KMT2D: variants seen among roughly 807,000 people sequenced by gnomAD.
KMT2D encodes lysine methyltransferase 2D.
Under a neutral mutation model 512.7 loss-of-function variants are expected in KMT2D, and 55 were observed. The observed-to-expected ratio is 0.11, with a 90% CI of 0.09 to 0.13. The LOEUF (loss-of-function observed/expected upper bound fraction) is 0.13, where lower values mean the gene tolerates loss of function less well. Ranked by LOEUF, KMT2D falls within the 10% of genes least tolerant of loss-of-function variation. The pLI is 1.00. For missense variants in KMT2D, 6,061 were observed against 7,127.9 expected (o/e 0.85, Z 5.39); for synonymous variants, 2,995 against 2,904.0 (o/e 1.03, Z -1.01).
In KMT2D at chr12:49,051,014, G is replaced by C. The variant is rs2120661755; in HGVS notation, c.2669C>G (p.Ser890Cys). The stretch of plus-strand genomic sequence containing the variant: ...TGGCTCTCCAAGCAAGGGAGATAAG[G>C]ATGGTTCCCCAGGGGGAGGGAACAA... ...LPLFPPPGEP[S>C]LSPLLGEPAL... The change falls in exon 11 of 55, where the codon TCC (serine) becomes TGC (cysteine). Residue 890 changes from serine to cysteine, a missense_variant. Ser to Cys is a moderately radical substitution (Grantham distance 112, BLOSUM62 -1). Around this residue, in one of 16 missense-constraint regions of KMT2D, gnomAD observed 848 missense variants for 838.5 expected, o/e 1.01. Transcript: ENST00000301067. The C allele has an allele frequency of 6.4e-7, 1 of 1,567,534 alleles. No individual in the cohort carries two copies. The highest frequency in any genetic ancestry group is 2.2e-5 in the East Asian group (1 of 44,482).
At chr12:49,052,517 A>T (rs200840481) in intron 10 of KMT2D, 47 bp downstream of exon 10, 135 of 1,599,974 alleles carry the variant, frequency 8.4e-5, no homozygotes, top group Non-Finnish European at 1.1e-4. Context: ...GTCTCTTGCC[A>T]TAGAATAAAA....
chr12:49,044,297 A>G lies in KMT2D; in HGVS notation c.5091T>C (p.Gly1697=). Residue 1697 remains glycine, a synonymous_variant, in exon 22 of 55, where the codon GGT becomes GGC. Coordinates refer to ENST00000301067, the MANE Select transcript of KMT2D (RefSeq NM_003482.4). This position sits in a 1 kb window ranked among gnomAD's most constrained non-coding sequence, Gnocchi z 6.4. ...RKRKPYRPGI[G]GFMVRQRKSH... Reference sequence around the variant, plus strand: ...ATTTCCGCTGTCGCACCATGAAACCACCAATGCCTATGAGGAGGCAGAGTT... The same window carrying G: ...ATTTCCGCTGTCGCACCATGAAACCGCCAATGCCTATGAGGAGGCAGAGTT... 1 of 1,613,726 alleles carries G rather than the reference A, an allele frequency of 6.2e-7. No homozygotes were observed. Among genetic ancestry groups the G allele is most frequent in the East Asian group, 2.2e-5 (1 of 44,872 alleles).
Position 49,032,248 on chromosome 12 carries a change from G to C in KMT2D, c.12457C>G (p.Leu4153Val), listed in dbSNP as rs201924993. ...TCTAGCATGGGCTGTTGGGGGCCCA[G>C]AAGGTTCTGGGTCATGGACCCAGGC... ...DQPGSMTQNL[L>V]GPQQPMLERP... The change falls in exon 40 of 55, where the codon CTG becomes GTG. Residue 4153 changes from leucine to valine, a missense_variant. Transcript: ENST00000301067. 1 of 1,613,912 alleles carries C rather than the reference G, an allele frequency of 6.2e-7. No individual in the cohort carries two copies. The highest frequency in any genetic ancestry group is 1.3e-5 in the African/African-American group (1 of 75,062).
In KMT2D at chr12:49,043,642, C is replaced by A. The variant is rs749007767; in HGVS notation, c.5460G>T (p.Ser1820=). Reference sequence around the variant, plus strand: ...CACTCCCACATAACTAACCTTTCTGCGATGTGGGGAGTTCCTTCCTTTCTG... The same window carrying A: ...CACTCCCACATAACTAACCTTTCTGAGATGTGGGGAGTTCCTTCCTTTCTG... The part of the protein sequence containing the change: ...GGSERKELPT[S]QKGDDGPDIA... The change falls in exon 24 of 55, where the codon TCG becomes TCT. Residue 1820 remains serine (S), a synonymous_variant. Coordinates refer to ENST00000301067, the MANE Select transcript of KMT2D (RefSeq NM_003482.4). 1.2e-6 allele frequency: 2 copies of A among 1,613,970 alleles called. No individual in the cohort carries two copies. Among genetic ancestry groups the A allele is most frequent in the South Asian group, 2.2e-5 (2 of 91,088 alleles).
rs1415714332 is a variant in KMT2D at position 49,037,594 on chromosome 12, C to A, written c.9762G>T (p.Glu3254Asp). Reference protein sequence around the residue: ...ELPLLIEDLLEHEKKELQKKQ... With the variant: ...ELPLLIEDLLDHEKKELQKKQ... ...TCTTCTGCAGCTCCTTCTTCTCATGCTCCAACAGGTCCTCAATGAGCAGGG... is the reference window on the plus strand; with the variant it reads ...TCTTCTGCAGCTCCTTCTTCTCATGATCCAACAGGTCCTCAATGAGCAGGG... The change falls in exon 35 of 55, where the codon GAG (glutamate) becomes GAT (aspartate). Residue 3254 changes from glutamate to aspartate, a missense_variant. Around this residue, in one of 16 missense-constraint regions of KMT2D, gnomAD observed 533 missense variants for 539.6 expected, o/e 0.99. Transcript: ENST00000301067. The A allele has an allele frequency of 6.4e-7, 1 of 1,556,374 alleles. No homozygotes were observed. The highest frequency in any genetic ancestry group is 8.7e-7 in the Non-Finnish European group (1 of 1,149,776).
At chr12:49,057,389 A>G (rs940655997) in intron 1 of KMT2D, among the ~76,000 whole-genome samples, 1 of 152,218 alleles carries the variant, frequency 6.6e-6, no homozygotes, top group Non-Finnish European at 1.5e-5. Context: ...GCTGCCTCAC[A>G]CAAGGCCAGA....
Position 49,026,880 on chromosome 12 carries a change from A to G in KMT2D, c.15086T>C (p.Met5029Thr), listed in dbSNP as rs529127184. 18 of 1,613,862 alleles carry G rather than the reference A, an allele frequency of 1.1e-5. No homozygotes were observed. The highest frequency in any genetic ancestry group is 5.5e-5 in the South Asian group (5 of 91,094). Residue 5029 changes from methionine to threonine, a missense_variant, in exon 49 of 55, where the codon ATG becomes ACG. Transcript: ENST00000301067. This position sits in a 1 kb window ranked among gnomAD's most constrained non-coding sequence, Gnocchi z 9.6. ...ALRPDKVPRD[M>T]RRCCFCHEEG... ...CTCATGACAGAAACAGCAGCGACGC[A>G]TGTCTCGCGGTACCTTGTCAGGTCG...
At chr12:49,052,743 T>C in intron 9 of KMT2D, 34 bp from the exon 10 acceptor site, 1 of 1,606,440 alleles carries the variant, frequency 6.2e-7, no homozygotes. Context: ...GCACTGTGGC[T>C]CTCACCAGCT....
chr12:49,051,072 GCTC>G lies in KMT2D; in HGVS notation c.2608_2610del (p.Glu870del). 14 of 1,526,576 alleles carry G rather than the reference GCTC, an allele frequency of 9.2e-6. No individual in the cohort carries two copies. The highest frequency in any genetic ancestry group is 1.2e-5 in the Non-Finnish European group (14 of 1,139,488). 94.6% of individuals were successfully genotyped at this position (1,526,576 alleles called of 1,614,324 possible). On this transcript the variant is annotated inframe_deletion, in exon 11 of 55. Coordinates refer to ENST00000301067, the MANE Select transcript of KMT2D (RefSeq NM_003482.4). ...TCCTCAGGTGCAGGGCATTGGCCTG[GCTC>G]CTCAGGGGGCTTTTCAGGCCGAGGG...
chr12:49,059,926 G>A lies in KMT2D; in HGVS notation c.-351C>T, dbSNP rs1263530475. 6.6e-6 allele frequency among the ~76,000 whole-genome samples: 1 copy of A among 151,642 alleles called. No individual in the cohort carries two copies. The highest frequency in any genetic ancestry group is 1.5e-5 in the Non-Finnish European group (1 of 67,862). ...TTGGGCGAGCAGGCTCCGCATCCGC[G>A]TCGCCGGGCGGCCTCTCAGTCCTAG... On this transcript the variant is annotated 5_prime_UTR_variant, in exon 1 of 55. The change creates a new upstream start codon in the 5' untranslated region. Coordinates refer to ENST00000301067, the MANE Select transcript of KMT2D (RefSeq NM_003482.4).
rs750781052 is a variant in KMT2D, at chr12:49,052,316, G to A, written c.1367C>T (p.Ser456Leu). The change falls in exon 11 of 55, where the codon TCA (serine) becomes TTA (leucine). Residue 456 changes from serine to leucine, a missense_variant. Transcript: ENST00000301067. ...ESPLSPPPEE[S>L]PTSPPPEASR... The stretch of plus-strand genomic sequence containing the variant: ...TGCCTCAGGTGGTGGGGACGTGGGT[G>A]ATTCCTCAGGTGGTGGGGACAGGGG... 2 of 1,579,784 alleles carry A rather than the reference G, an allele frequency of 1.3e-6. No homozygotes were observed. Among genetic ancestry groups the A allele is most frequent in the East Asian group, 2.2e-5 (1 of 44,618 alleles).
chr12:49,030,258 G>T, intron 43 of KMT2D, 22 bp downstream of exon 43: 1 of 1,583,036 alleles, frequency 6.3e-7, no homozygotes, highest in South Asian at 1.1e-5. Context: ...TCCACCAGGG[G>T]TGGCATCTGC....
rs2120405469 is a variant in KMT2D at position 49,030,595 on chromosome 12, T to C, written c.13839+6A>G. ...TATTCCCAAAAAATATTGCCATTTT[T>C]CTGACCTTGGTAAGCAGCTGGGAAT... is the stretch of plus-strand genomic sequence containing the variant. On this transcript the variant is annotated splice_donor_region_variant and intron_variant, in intron 42 of 54. Coordinates refer to ENST00000301067, the MANE Select transcript of KMT2D (RefSeq NM_003482.4). 3.9e-6 allele frequency: 6 copies of C among 1,554,054 alleles called. No homozygotes were observed. In the African/African-American group the frequency reaches 5.5e-5, roughly 14 times the overall value.
chr12:49,049,758 G>A lies in KMT2D; in HGVS notation c.3830C>T (p.Thr1277Ile), dbSNP rs2120639826. ...CTCAGCTTTGCCTCCGCTGATAGCT[G>A]TCCCAGCATCGCACAATAGTGAGTC... ...TDDSLLCDAG[T>I]AISGGKAEGE... The change falls in exon 12 of 55, where the codon ACA (threonine) becomes ATA (isoleucine). Residue 1277 changes from threonine (T) to isoleucine (I), a missense_variant. Thr to Ile is a moderately conservative substitution (Grantham distance 89, BLOSUM62 -1). This residue lies in a region of KMT2D where 447 missense variants were observed against 500.1 expected (regional missense o/e 0.89). Transcript: ENST00000301067. 1.2e-6 allele frequency: 2 copies of A among 1,611,698 alleles called. No homozygotes were observed. Among genetic ancestry groups the A allele is most frequent in the Non-Finnish European group, 8.5e-7 (1 of 1,177,986 alleles).
chr12:49,035,402 G>C (rs999727851), intron 35 of KMT2D, among the ~76,000 whole-genome samples: 8 of 152,120 alleles, frequency 5.3e-5, no homozygotes, highest in Admixed American at 4.6e-4. Context: ...GAGCTGTTTT[G>C]GGCATCACCT....
In KMT2D at chr12:49,042,023, T is replaced by C. The variant is rs760645298; in HGVS notation, c.6110-33A>G. On this transcript the variant is annotated intron_variant, in intron 29 of 54. Transcript: ENST00000301067. This position sits in a 1 kb window ranked among gnomAD's most constrained non-coding sequence, Gnocchi z 4.4. ...GCAGAGAGAGTGAGTCAGAGAAGACTTGGCAGGCGACTCCTCCACCTGCCA... is the reference window on the plus strand; with the variant it reads ...GCAGAGAGAGTGAGTCAGAGAAGACCTGGCAGGCGACTCCTCCACCTGCCA... 1 of 1,611,858 alleles carries C rather than the reference T, an allele frequency of 6.2e-7. No individual in the cohort carries two copies. The highest frequency in any genetic ancestry group is 8.5e-7 in the Non-Finnish European group (1 of 1,178,580).
rs1442540049 is a variant in KMT2D at position 49,049,160 on chromosome 12, C to T, written c.3965G>A (p.Arg1322His). ...RRPRGGAHGG[R>H]GRGRARLKST... ...CTTTAGCCGGGCCCGTCCTCTACCACGTCCTCCATGGGCTCCTCCACGAGG... is the reference window on the plus strand; with the variant it reads ...CTTTAGCCGGGCCCGTCCTCTACCATGTCCTCCATGGGCTCCTCCACGAGG... The change falls in exon 13 of 55, where the codon CGT (arginine) becomes CAT (histidine). Residue 1322 changes from arginine (R) to histidine (H), a missense_variant. This residue lies in a region of KMT2D where 447 missense variants were observed against 500.1 expected (regional missense o/e 0.89). Coordinates refer to ENST00000301067, the MANE Select transcript of KMT2D (RefSeq NM_003482.4). 5 of 1,611,906 alleles carry T rather than the reference C, an allele frequency of 3.1e-6. No individual in the cohort carries two copies. The highest frequency in any genetic ancestry group is 1.7e-5 in the Admixed American group (1 of 59,758).
Position 49,028,135 on chromosome 12 carries a change from T to C in KMT2D, c.14389A>G (p.Asn4797Asp). 6.2e-7 allele frequency: 1 copy of C among 1,613,964 alleles called. No individual in the cohort carries two copies. ...TVSAAAAKNL[N>D]GVMVAVAELL... ...TCCGCCACTGCCACCATCACGCCAT[T>C]CAGGTTCTGCCAGGGCCAGGGAAGG... Residue 4797 changes from asparagine (N) to aspartate (D), a missense_variant, in exon 47 of 55, where the codon AAT becomes GAT. Asn to Asp is a conservative substitution (Grantham distance 23). Coordinates refer to ENST00000301067, the MANE Select transcript of KMT2D (RefSeq NM_003482.4).
chr12:49,043,357 C>T lies in KMT2D; in HGVS notation c.5533+6G>A, dbSNP rs747593413. ...GACAGGACACAGTAACCCCGGCAGC[C>T]CTCACCTGGTGTATCGGCTTTGCCC... On this transcript the variant is annotated splice_donor_region_variant and intron_variant, in intron 25 of 54. Coordinates refer to ENST00000301067, the MANE Select transcript of KMT2D (RefSeq NM_003482.4). 6.2e-7 allele frequency: 1 copy of T among 1,613,816 alleles called. No individual in the cohort carries two copies. Among genetic ancestry groups the T allele is most frequent in the South Asian group, 1.1e-5 (1 of 91,080 alleles).
Sources: gnomAD v4.1 joint callset for allele counts (sites outside exome capture counted in the v4.1 genomes callset) on GRCh38, gnomAD v4.1.1 for gene constraint, gnomAD v4.1.1 regional missense constraint, Gnocchi (gnomAD v3.1) non-coding constraint, MANE v1.5 for transcripts, NCBI Gene and HGNC (gene_info 2026-07-23, HGNC 2026-07-21) for gene names.